The following SEMA5A variants were observed in gnomAD, a reference collection of about 807,000 sequenced individuals.
The protein encoded by SEMA5A is semaphorin 5A.
SEMA5A carries 55 observed loss-of-function variants against 135.5 expected under a neutral mutation model. The observed-to-expected ratio is 0.41, with a 90% CI of 0.33 to 0.51. The LOEUF (loss-of-function observed/expected upper bound fraction) is 0.51, where lower values mean the gene tolerates loss of function less well. Ranked by LOEUF, SEMA5A falls within the 20% of genes least tolerant of loss-of-function variation. The probability of loss-of-function intolerance (pLI) is 0.37; values close to 1 mark genes in which losing one functional copy is unlikely to be tolerated. For missense variants in SEMA5A, 1,290 were observed against 1,419.9 expected (o/e 0.91, Z 1.47); for synonymous variants, 580 against 546.5 (o/e 1.06, Z -0.85).
intron 1 of SEMA5A, among the ~76,000 whole-genome samples, chr5:9,480,136 C>G (rs1759820952): frequency 6.6e-6 from 1 of 152,146 alleles, no homozygotes; most frequent in African/African-American, 2.4e-5. Context: ...ACACGAATAG[C>G]ACACACACAA....
intron 6 of SEMA5A, among the ~76,000 whole-genome samples, chr5:9,229,771 AAAC>A (rs1270851935): frequency 6.6e-6 from 1 of 152,080 alleles, no homozygotes. Flanking sequence ...GGTAAACCAC[AAAC>A]AACATGGGCA....
chr5:9,076,186 A>T (rs1334039697), intron 16 of SEMA5A, among the ~76,000 whole-genome samples: 1 of 136,722 alleles, frequency 7.3e-6, no homozygotes, highest in African/African-American at 2.8e-5. Flanking sequence ...ACCTGGTGAG[A>T]GAGTGAGACT....
chr5:9,149,539 G>A (rs1489242358), intron 12 of SEMA5A, among the ~76,000 whole-genome samples: 1 of 152,196 alleles, frequency 6.6e-6, no homozygotes, highest in African/African-American at 2.4e-5. Context: ...AGCTACTTGG[G>A]AGGCTGAGGC....
At chr5:9,413,051 C>T (rs936297637) in intron 2 of SEMA5A, among the ~76,000 whole-genome samples, 5 of 152,066 alleles carry the variant, frequency 3.3e-5, no homozygotes, top group African/African-American at 1.2e-4. Context: ...TGGCAGGAGA[C>T]AAAACAAAAT....
intron 3 of SEMA5A, among the ~76,000 whole-genome samples, chr5:9,346,912 G>GTATATATATATA (rs774727307): frequency 6.5e-4 from 98 of 150,074 alleles, no homozygotes; most frequent in African/African-American, 2.2e-3. Context: ...GTGTGTGTGT[G>GTATATATATATA]TGTATATATA....
At chr5:9,212,064 T>A (rs1184258804) in intron 8 of SEMA5A, among the ~76,000 whole-genome samples, 1 of 152,208 alleles carries the variant, frequency 6.6e-6, no homozygotes, top group African/African-American at 2.4e-5. Flanking sequence ...GTGGATTAGA[T>A]GTTCATGCTG....
intron 5 of SEMA5A, among the ~76,000 whole-genome samples, chr5:9,272,269 G>A (rs1403950127): frequency 6.6e-6 from 1 of 152,062 alleles, no homozygotes; most frequent in Non-Finnish European, 1.5e-5. Flanking sequence ...CGAACTGAGT[G>A]GAGCCCACCA....
intron 2 of SEMA5A, among the ~76,000 whole-genome samples, chr5:9,396,662 C>A (rs1198900226): frequency 6.6e-6 from 1 of 152,156 alleles, no homozygotes; most frequent in Non-Finnish European, 1.5e-5. Context: ...CAAAAATACT[C>A]AAACTCTCAA....
At chr5:9,357,830 A>G (rs2463506) in intron 3 of SEMA5A, among the ~76,000 whole-genome samples, 25,998 of 152,180 alleles carry the variant, frequency 0.17, 2,561 homozygotes, top group East Asian at 0.28. Flanking sequence ...ATAAGGCAAA[A>G]CTTACTTAGC....
intron 5 of SEMA5A, among the ~76,000 whole-genome samples, chr5:9,241,327 C>T (rs1264490365): frequency 1.3e-5 from 2 of 151,996 alleles, no homozygotes; most frequent in African/African-American, 4.8e-5. Context: ...AGAAGACACT[C>T]TTCTATGTGA....
chr5:9,321,611 G>A (rs1323304200), intron 4 of SEMA5A, among the ~76,000 whole-genome samples: 1 of 152,138 alleles, frequency 6.6e-6, no homozygotes, highest in Non-Finnish European at 1.5e-5. Context: ...TTAAATCTAA[G>A]AAAAACACTT....
chr5:9,330,724 G>A (rs1753094504), intron 4 of SEMA5A, among the ~76,000 whole-genome samples: 1 of 152,152 alleles, frequency 6.6e-6, no homozygotes, highest in Non-Finnish European at 1.5e-5. Context: ...TAGAAGAAAG[G>A]GGAGAACAAG....
chr5:9,401,876 G>T lies in SEMA5A; in HGVS notation c.-77-21853C>A, dbSNP rs137996853. The stretch of plus-strand genomic sequence containing the variant: ...CCTCCATATCAATATCTCTGAGAAG[G>T]TCAGCACACTGTCTTCAGCATGCTC... On this transcript the variant is annotated intron_variant, in intron 2 of 22. Transcript: ENST00000382496. Among the ~76,000 whole-genome samples, 200 of 152,272 alleles carry T rather than the reference G, an allele frequency of 1.3e-3. 1 individual carries two copies. The highest frequency in any genetic ancestry group is 4.7e-3 in the African/African-American group (195 of 41,554).
chr5:9,438,032 C>G (rs1484030178), intron 1 of SEMA5A, among the ~76,000 whole-genome samples, 180 bp from the exon 2 acceptor site: 1 of 152,148 alleles, frequency 6.6e-6, no homozygotes, highest in Non-Finnish European at 1.5e-5. Flanking sequence ...TACCCTAGTT[C>G]AGGATCATGT....
At chr5:9,276,156 A>G (rs1216670194) in intron 5 of SEMA5A, among the ~76,000 whole-genome samples, 1 of 152,106 alleles carries the variant, frequency 6.6e-6, no homozygotes, top group Non-Finnish European at 1.5e-5. Flanking sequence ...AAGCATTCCT[A>G]TACACCAATA....
chr5:9,267,787 A>T (rs901531416), intron 5 of SEMA5A, among the ~76,000 whole-genome samples: 2 of 152,150 alleles, frequency 1.3e-5, no homozygotes, highest in African/African-American at 2.4e-5. Flanking sequence ...GGCGAAGTGG[A>T]TAAGGAAAGA....
intron 5 of SEMA5A, among the ~76,000 whole-genome samples, chr5:9,254,092 C>G (rs1472595355): frequency 1.3e-5 from 2 of 152,080 alleles, no homozygotes; most frequent in African/African-American, 2.4e-5. Flanking sequence ...TGCCACAAAA[C>G]AGGAAGTGTT....
In SEMA5A at chr5:9,392,787, C is replaced by A. The variant is rs550609572; in HGVS notation, c.-77-12764G>T. Among the ~76,000 whole-genome samples the A allele has an allele frequency of 7.2e-4, 110 of 152,236 alleles. 2 individuals are homozygous for A. Among genetic ancestry groups the A allele is most frequent in the African/African-American group, 2.5e-3 (105 of 41,516 alleles). On this transcript the variant is annotated intron_variant, in intron 2 of 22. Coordinates refer to ENST00000382496, the MANE Select transcript of SEMA5A (RefSeq NM_003966.3). ...ACTAGGCAGTGGAAAGGCCAGAAAC[C>A]AAGATAGTCATTTTCCAAGTGATGG...
At position 9,126,809 on chromosome 5, in the gene SEMA5A, G is replaced by GA. The variant is rs1741139951; in HGVS notation, c.1600-3973dup. ...TTTGGTCAGCTGAAGTGCTAAATCT[G>GA]AAAAATATCTCAAAGACCACTTCTT... On this transcript the variant is annotated intron_variant, in intron 13 of 22. Coordinates refer to ENST00000382496, the MANE Select transcript of SEMA5A (RefSeq NM_003966.3). Among the ~76,000 whole-genome samples, 3 of 152,142 alleles carry GA rather than the reference G, an allele frequency of 2.0e-5. No individual in the cohort carries two copies. The South Asian group carries it at 6.2e-4, about 31-fold the overall frequency.
Sources: gnomAD v4.1 joint callset for allele counts (sites outside exome capture counted in the v4.1 genomes callset) on GRCh38, gnomAD v4.1.1 for gene constraint, MANE v1.5 for transcripts, NCBI Gene and HGNC (gene_info 2026-07-23, HGNC 2026-07-21) for gene names.